ZSCAN5A: variants seen among roughly 807,000 people sequenced by gnomAD.
The protein encoded by ZSCAN5A is zinc finger and SCAN domain-containing protein 5A.
A neutral mutation model predicts 23.7 loss-of-function variants in ZSCAN5A; 12 were observed. The ratio of observed to expected loss-of-function variants is 0.51; its 90% CI spans 0.32 to 0.82. The LOEUF is 0.82. Among genes scored for constraint, ZSCAN5A ranks in the 40% least tolerant of loss-of-function variants. The pLI is 0.03. For missense variants in ZSCAN5A, 597 were observed against 617.9 expected, an observed-to-expected ratio of 0.97 and a Z score of 0.36; for synonymous variants, 257 against 239.9, an observed-to-expected ratio of 1.07 and a Z score of -0.66.
chr19:56,258,513 C>G (rs2036888511), intron 2 of ZSCAN5A, among the ~76,000 whole-genome samples: 1 of 137,870 alleles, frequency 7.3e-6, no homozygotes, highest in Non-Finnish European at 1.5e-5. Context: ...GACACACCTT[C>G]CAGTGTGGGG....
intron 1 of ZSCAN5A, among the ~76,000 whole-genome samples, chr19:56,364,630 T>C (rs1007816110): frequency 1.3e-5 from 2 of 152,220 alleles, no homozygotes; most frequent in Non-Finnish European, 2.9e-5. Flanking sequence ...CATAGAGAGA[T>C]ATGTTCATAC....
At chr19:56,256,979 A>C (rs1042701550) in intron 2 of ZSCAN5A, among the ~76,000 whole-genome samples, 1 of 152,130 alleles carries the variant, frequency 6.6e-6, no homozygotes, top group East Asian at 1.9e-4. Context: ...GGGAAGGGGA[A>C]ATTAAATGCT....
At chr19:56,273,742 C>T (rs1177632632) in intron 2 of ZSCAN5A, among the ~76,000 whole-genome samples, 9 of 152,022 alleles carry the variant, frequency 5.9e-5, no homozygotes, top group African/African-American at 1.9e-4. Context: ...TAAGAAGAGA[C>T]AGGAGGCAGG....
At chr19:56,307,637 A>G (rs1380590155) in intron 2 of ZSCAN5A, among the ~76,000 whole-genome samples, 3 of 152,188 alleles carry the variant, frequency 2.0e-5, no homozygotes, top group African/African-American at 7.2e-5. Flanking sequence ...ATCTGAGCCC[A>G]CAGAGATAAG....
chr19:56,251,072 C>A (rs909389061), intron 2 of ZSCAN5A, among the ~76,000 whole-genome samples: 6 of 151,680 alleles, frequency 4.0e-5, no homozygotes, highest in African/African-American at 1.5e-4. Flanking sequence ...ATCGCTTGAA[C>A]CCGGGTGGCA....
intron 2 of ZSCAN5A, among the ~76,000 whole-genome samples, chr19:56,269,668 C>T (rs544695969): frequency 6.6e-6 from 1 of 152,094 alleles, no homozygotes; most frequent in Non-Finnish European, 1.5e-5. Flanking sequence ...AAGACTTGAC[C>T]GGCCATCGCT....
intron 2 of ZSCAN5A, among the ~76,000 whole-genome samples, chr19:56,231,836 C>A (rs917842805): frequency 2.0e-5 from 3 of 152,088 alleles, no homozygotes; most frequent in Non-Finnish European, 4.4e-5. Flanking sequence ...GAAGTCATTG[C>A]CGTCATCAAG....
chr19:56,243,908 T>G (rs1170096773), intron 2 of ZSCAN5A: 6 of 505,790 alleles, frequency 1.2e-5, no homozygotes, highest in Non-Finnish European at 2.1e-5. Flanking sequence ...GGGCTCATGT[T>G]TTTTTTTGCA....
At chr19:56,294,260 G>A (rs557592132) in intron 2 of ZSCAN5A, among the ~76,000 whole-genome samples, 11 of 152,292 alleles carry the variant, frequency 7.2e-5, no homozygotes, top group East Asian at 3.9e-4. Context: ...GGCGATTCAC[G>A]TGGGCTCTTT....
intron 2 of ZSCAN5A, among the ~76,000 whole-genome samples, chr19:56,291,370 T>C (rs558769476): frequency 3.0e-4 from 46 of 152,338 alleles, no homozygotes; most frequent in Non-Finnish European, 5.3e-4. Context: ...CCTGGATTAA[T>C]GCGTCTCTAA....
At chr19:56,297,937 A>T (rs1266517326) in intron 2 of ZSCAN5A, 1 of 152,098 alleles carries the variant, frequency 6.6e-6, no homozygotes, top group African/African-American at 2.4e-5. Flanking sequence ...AGAGCCGGGC[A>T]TGGTGGCAGC....
chr19:56,320,645 C>A, intron 2 of ZSCAN5A: 1 of 747,642 alleles, frequency 1.3e-6, no homozygotes, highest in Non-Finnish European at 2.5e-6. Flanking sequence ...ATAAGCCAGG[C>A]GAGTACAACG....
At chr19:56,335,562 T>C (rs1232989002) in intron 2 of ZSCAN5A, among the ~76,000 whole-genome samples, 1 of 152,266 alleles carries the variant, frequency 6.6e-6, no homozygotes, top group East Asian at 1.9e-4. Flanking sequence ...TGTCTTTTAA[T>C]TGGAGCATTT....
chr19:56,276,904 T>C (rs1222767653), intron 2 of ZSCAN5A, among the ~76,000 whole-genome samples: 1 of 151,932 alleles, frequency 6.6e-6, no homozygotes, highest in African/African-American at 2.4e-5. Context: ...AATATTTATA[T>C]TTACAAATAT....
rs767293412 is a variant in ZSCAN5A at position 56,247,065 on chromosome 19, T to C, written c.-127-21892A>G. 5 of 767,946 alleles carry C rather than the reference T, an allele frequency of 6.5e-6. No homozygotes were observed. The South Asian group carries it at 7.5e-5, about 12-fold the overall frequency. The allele number at this position is 767,946 out of a possible 1,614,324, so 47.6% of individuals were successfully genotyped here. A position where few individuals can be genotyped will look rare whatever the true frequency, so the allele number is the denominator to read the frequency against. On this transcript the variant is annotated intron_variant, in intron 2 of 5. Transcript: ENST00000683990. ...CCAAGGAACTGCTGCCCTTTGCATG[T>C]GGCGTGTGCAATAAGAGGTTTACGT...
At chr19:56,234,369 A>C (rs571022417) in intron 2 of ZSCAN5A, among the ~76,000 whole-genome samples, 1 of 152,176 alleles carries the variant, frequency 6.6e-6, no homozygotes, top group South Asian at 2.1e-4. Context: ...TATTATACGG[A>C]CTAGGGGTTG....
intron 2 of ZSCAN5A, among the ~76,000 whole-genome samples, chr19:56,345,801 A>C (rs1250444954): frequency 6.6e-6 from 1 of 152,232 alleles, no homozygotes; most frequent in Non-Finnish European, 1.5e-5. Context: ...AAAATTTTGT[A>C]AACAATGACA....
At chr19:56,365,455 G>A (rs1043283377) in intron 1 of ZSCAN5A, among the ~76,000 whole-genome samples, 2 of 152,152 alleles carry the variant, frequency 1.3e-5, no homozygotes, top group African/African-American at 4.8e-5. Context: ...AAAGGCTTAA[G>A]CAGCTAAAAT....
At position 56,325,655 on chromosome 19, in the gene ZSCAN5A, TA is replaced by T. The variant is rs547988923; in HGVS notation, c.-357-9388del. Among the ~76,000 whole-genome samples the T allele has an allele frequency of 7.1e-3, 1,047 of 147,080 alleles. 2 individuals are homozygous for T. Among genetic ancestry groups the T allele is most frequent in the Non-Finnish European group, 0.01 (680 of 66,410 alleles). On this transcript the variant is annotated intron_variant, in intron 2 of 6. Coordinates refer to the ZSCAN5A transcript ENST00000587340. ...TCTGTCATCACCAGAAGTAGACACT[TA>T]AAAAAAAAAATAGCGTTTGAAGGGG...
Sources: gnomAD v4.1 joint callset for allele counts (sites outside exome capture counted in the v4.1 genomes callset) on GRCh38, gnomAD v4.1.1 for gene constraint, MANE v1.5 for transcripts, NCBI Gene and HGNC (gene_info 2026-07-23, HGNC 2026-07-21) for gene names.